Variants in ZNF69 observed in about 807,000 individuals in gnomAD.
ZNF69 encodes ZNF3.
In ZNF69, 47 loss-of-function variants were observed where a neutral mutation model predicts 50.9. The ratio of observed to expected loss-of-function variants is 0.92; its 90% CI spans 0.73 to 1.18. The LOEUF (loss-of-function observed/expected upper bound fraction) is 1.18, where lower values mean the gene tolerates loss of function less well. Among genes scored for constraint, ZNF69 ranks in the 50% most tolerant of loss-of-function variants. The pLI, the probability that ZNF69 is intolerant of heterozygous loss-of-function variation, is 0.00. For synonymous variants in ZNF69, 216 were observed against 223.1 expected, an observed-to-expected ratio of 0.97 and a Z score of 0.29; for missense variants, 717 against 675.1, an observed-to-expected ratio of 1.06 and a Z score of -0.69.
chr19:11,899,864 G>GA (rs1972206047), intron 1 of ZNF69, among the ~76,000 whole-genome samples: 2 of 152,204 alleles, frequency 1.3e-5, no homozygotes, highest in Non-Finnish European at 2.9e-5. Flanking sequence ...CCTAGTGAAG[G>GA]AGAGTTCACT....
chr19:11,950,403 T>C, the ZNF69 span: 1 of 851,212 alleles, frequency 1.2e-6, no homozygotes, highest in Non-Finnish European at 1.9e-6. Flanking sequence ...GTAAGCAGTG[T>C]GGGAAAGCCT....
At chr19:11,920,537 G>A in the ZNF69 span, among the ~76,000 whole-genome samples, 1 of 152,060 alleles carries the variant, frequency 6.6e-6, no homozygotes, top group Admixed American at 6.6e-5. Flanking sequence ...TACCTGCCTC[G>A]ACCACTCAAC....
intron 1 of ZNF69, among the ~76,000 whole-genome samples, chr19:11,890,626 A>G (rs560913030): frequency 6.6e-6 from 1 of 152,130 alleles, no homozygotes; most frequent in African/African-American, 2.4e-5. Context: ...CGCCTGCCTA[A>G]TTTTTGTGTT....
the ZNF69 span, among the ~76,000 whole-genome samples, chr19:11,936,053 C>T: frequency 6.6e-6 from 1 of 152,170 alleles, no homozygotes; most frequent in Non-Finnish European, 1.5e-5. Flanking sequence ...TTTTTTATGG[C>T]TGCGTAGTAT....
the ZNF69 span, among the ~76,000 whole-genome samples, chr19:11,947,902 G>A: frequency 6.6e-6 from 1 of 152,248 alleles, no homozygotes; most frequent in African/African-American, 2.4e-5. Flanking sequence ...CAGCTACTCA[G>A]GAGGCGAAGG....
the ZNF69 span, among the ~76,000 whole-genome samples, chr19:11,940,780 G>A: frequency 1.3e-4 from 20 of 152,224 alleles, no homozygotes; most frequent in African/African-American, 7.2e-5. Flanking sequence ...TTGACAGGGC[G>A]CTGATTGGTG....
intron 1 of ZNF69, among the ~76,000 whole-genome samples, chr19:11,888,920 C>A (rs1334548410): frequency 1.3e-5 from 2 of 151,392 alleles, no homozygotes; most frequent in Non-Finnish European, 2.9e-5. Context: ...GCAGTGAGCC[C>A]ACACAGTGCC....
At chr19:11,950,287 A>G in the ZNF69 span, 1 of 1,581,300 alleles carries the variant, frequency 6.3e-7, no homozygotes, top group Admixed American at 2.0e-5. Context: ...ATAGACTCAC[A>G]CTGGAAGGAA....
At chr19:11,903,318 G>C (rs965844184) in intron 1 of ZNF69, among the ~76,000 whole-genome samples, 3 of 152,156 alleles carry the variant, frequency 2.0e-5, no homozygotes, top group Non-Finnish European at 2.9e-5. Context: ...AGCTACTCAG[G>C]CTGAGGAAGA....
At chr19:11,975,443 G>A in the ZNF69 span, among the ~76,000 whole-genome samples, 11,596 of 150,474 alleles carry the variant, frequency 0.077, 797 homozygotes, top group African/African-American at 0.19. Flanking sequence ...TGTCGCCCAG[G>A]CTGGACTGCA....
chr19:11,948,538 A>T, the ZNF69 span: 1 of 1,610,716 alleles, frequency 6.2e-7, no homozygotes, highest in Middle Eastern at 1.7e-4. Context: ...ACCTAAAAAT[A>T]AGAAAGCCTT....
chr19:11,930,837 T>A, the ZNF69 span, among the ~76,000 whole-genome samples: 2 of 147,910 alleles, frequency 1.4e-5, no homozygotes, highest in African/African-American at 5.3e-5. Flanking sequence ...TCCATCTCTA[T>A]TAAAATTCAA....
chr19:11,937,022 C>G, the ZNF69 span, among the ~76,000 whole-genome samples: 37 of 152,232 alleles, frequency 2.4e-4, no homozygotes, highest in Admixed American at 1.3e-4. Context: ...ATTTCTGAGG[C>G]CTCTGTTATG....
the ZNF69 span, chr19:11,950,643 A>C: frequency 2.8e-6 from 1 of 351,440 alleles, no homozygotes; most frequent in Non-Finnish European, 5.6e-6. Flanking sequence ...GAAAGCCTTC[A>C]GATCTGCCAA....
At chr19:11,948,273 C>T in the ZNF69 span, 1 of 1,611,074 alleles carries the variant, frequency 6.2e-7, no homozygotes, top group Non-Finnish European at 8.5e-7. Flanking sequence ...TCATGTTTTA[C>T]AGGAGTCTCA....
the ZNF69 span, chr19:11,947,482 T>G: frequency 1.9e-6 from 3 of 1,610,048 alleles, no homozygotes. Flanking sequence ...TTTATACTGC[T>G]TCAGGACTAT....
the ZNF69 span, among the ~76,000 whole-genome samples, chr19:11,925,964 A>T: frequency 6.6e-6 from 1 of 152,146 alleles, no homozygotes; most frequent in Non-Finnish European, 1.5e-5. Flanking sequence ...TGTAAGTTCC[A>T]TTGGCAGAAA....
chr19:11,978,450 G>T, the ZNF69 span: 8 of 1,614,010 alleles, frequency 5.0e-6, no homozygotes, highest in Non-Finnish European at 6.8e-6. Context: ...TGCTTGTAAA[G>T]AATGTGGAAA....
At chr19:11,891,097 A>G (rs538544939) in intron 1 of ZNF69, among the ~76,000 whole-genome samples, 1 of 152,286 alleles carries the variant, frequency 6.6e-6, no homozygotes, top group Non-Finnish European at 1.5e-5. Flanking sequence ...AGAATTCAAG[A>G]CGAGTCACAA....
Sources: gnomAD v4.1 joint callset for allele counts (sites outside exome capture counted in the v4.1 genomes callset) on GRCh38, gnomAD v4.1.1 for gene constraint, MANE v1.5 for transcripts, NCBI Gene and HGNC (gene_info 2026-07-23, HGNC 2026-07-21) for gene names.